PIK3R4: variants seen among roughly 807,000 people sequenced by gnomAD.
The protein encoded by PIK3R4 is phosphoinositide 3-kinase regulatory subunit 4.
In PIK3R4, 46 loss-of-function variants were observed where a neutral mutation model predicts 136.5. That is an observed-to-expected ratio of 0.34 (90% CI 0.27 to 0.43). PIK3R4 has a LOEUF of 0.43. PIK3R4 is among the 20% of genes least tolerant of loss of function. The pLI, the probability that PIK3R4 is intolerant of heterozygous loss-of-function variation, is 1.00. For missense variants in PIK3R4, 1,331 were observed against 1,649.5 expected, an observed-to-expected ratio of 0.81 and a Z score of 3.35; for synonymous variants, 557 against 566.7, an observed-to-expected ratio of 0.98 and a Z score of 0.24.
At chr3:130,683,973 T>A (rs1241272406) in intron 16 of PIK3R4, among the ~76,000 whole-genome samples, 1 of 151,950 alleles carries the variant, frequency 6.6e-6, no homozygotes, top group Admixed American at 6.6e-5. Flanking sequence ...AGGAAGATGG[T>A]GGCAGCTGTA....
rs1360068561 is a variant in PIK3R4 at position 130,728,568 on chromosome 3, A to C, written c.1702T>G (p.Phe568Val). The change falls in exon 6 of 20, where the codon TTT becomes GTT. Residue 568 changes from phenylalanine to valine, a missense_variant. Physicochemically the swap from Phe to Val is conservative, Grantham distance 50 (BLOSUM62 -1). Coordinates refer to ENST00000356763, the MANE Select transcript of PIK3R4 (RefSeq NM_014602.3). ...ACATCGTTGGCTTTCTGACGTCCAA[A>C]GAATACACACAGCCGTGTTATTCCA... ...ENGITRLCVF[F>V]GRQKANDVLL... 6.2e-7 allele frequency: 1 copy of C among 1,613,636 alleles called. No homozygotes were observed. Among genetic ancestry groups the C allele is most frequent in the Non-Finnish European group, 8.5e-7 (1 of 1,179,774 alleles).
At chr3:130,719,706 C>A (rs1299913890) in intron 7 of PIK3R4, among the ~76,000 whole-genome samples, 1 of 152,132 alleles carries the variant, frequency 6.6e-6, no homozygotes, top group African/African-American at 2.4e-5. Flanking sequence ...GAATTATTTA[C>A]CCCAATTCTT....
intron 7 of PIK3R4, among the ~76,000 whole-genome samples, chr3:130,718,798 T>C (rs1461915970): frequency 2.0e-5 from 3 of 152,162 alleles, no homozygotes; most frequent in Non-Finnish European, 4.4e-5. Context: ...AAATTTATAT[T>C]TTTTTAGTCA....
intron 13 of PIK3R4, among the ~76,000 whole-genome samples, chr3:130,695,375 C>G (rs2066540348): frequency 6.6e-6 from 1 of 152,020 alleles, no homozygotes; most frequent in Admixed American, 6.6e-5. Context: ...TTTCACTTTC[C>G]CTAGTTTCAG....
rs761292002 is a variant in PIK3R4, at chr3:130,733,504, T to C, written c.1450+44A>G. The C allele has an allele frequency of 5.2e-6, 7 of 1,335,752 alleles. No individual in the cohort carries two copies. The South Asian group carries it at 8.6e-5, about 16-fold the overall frequency. The allele number at this position is 1,335,752 out of a possible 1,614,324, so 82.7% of individuals were successfully genotyped here. A position where few individuals can be genotyped will look rare whatever the true frequency, so the allele number is the denominator to read the frequency against. On this transcript the variant is annotated intron_variant, in intron 4 of 19. Transcript: ENST00000356763. ...ACAAGCAGTATTATAGTCATTAACT[T>C]AAAAAATATCTAAGTGGCTAATATT...
chr3:130,740,304 T>A (rs2066814900), intron 2 of PIK3R4, among the ~76,000 whole-genome samples: 1 of 152,170 alleles, frequency 6.6e-6, no homozygotes, highest in Non-Finnish European at 1.5e-5. Flanking sequence ...GGTCCTGTCC[T>A]GAAACAGGCA....
intron 13 of PIK3R4, 145 bp downstream of exon 13, chr3:130,703,578 G>A: frequency 3.2e-6 from 2 of 620,122 alleles, no homozygotes; most frequent in South Asian, 4.4e-5. Context: ...TCCACTAGAA[G>A]GTAAACTCCA....
chr3:130,742,142 G>C (rs1321939303), intron 2 of PIK3R4, among the ~76,000 whole-genome samples: 7 of 152,186 alleles, frequency 4.6e-5, no homozygotes, highest in Non-Finnish European at 1.0e-4. Flanking sequence ...TCCATCAAGA[G>C]GGGAAAGTAG....
In PIK3R4 at chr3:130,690,594, G is replaced by C; in HGVS notation, c.3159C>G (p.Gly1053=). The part of the protein sequence containing the change: ...GRVKTLTFCQ[G]SHYLAIASDN... ...CAGATGCTATGGCTAAATAGTGGGA[G>C]CCTTGGCAGAATGTGAGCGTCTTGA... Residue 1053 remains glycine, a synonymous_variant, in exon 14 of 20, where the codon GGC becomes GGG. Transcript: ENST00000356763. The C allele has an allele frequency of 6.2e-7, 1 of 1,611,498 alleles. No homozygotes were observed. The highest frequency in any genetic ancestry group is 1.3e-5 in the African/African-American group (1 of 74,984).
At chr3:130,743,612 G>A (rs1278552336) in intron 2 of PIK3R4, among the ~76,000 whole-genome samples, 1 of 152,094 alleles carries the variant, frequency 6.6e-6, no homozygotes, top group Non-Finnish European at 1.5e-5. Context: ...TGGTGGGCGA[G>A]AGAAGTTCCT....
intron 13 of PIK3R4, among the ~76,000 whole-genome samples, chr3:130,701,178 A>C (rs1009180324): frequency 6.6e-5 from 10 of 152,312 alleles, no homozygotes; most frequent in African/African-American, 1.7e-4. Flanking sequence ...AACCACTTGG[A>C]AAACAATTAT....
intron 2 of PIK3R4, among the ~76,000 whole-genome samples, chr3:130,740,082 G>C (rs1425788391): frequency 2.0e-5 from 3 of 152,036 alleles, no homozygotes; most frequent in Non-Finnish European, 2.9e-5. Flanking sequence ...GGGGAAGCTG[G>C]GTGAAGGATA....
chr3:130,705,500 A>T, intron 12 of PIK3R4, 61 bp downstream of exon 12: 1 of 1,078,778 alleles, frequency 9.3e-7, no homozygotes, highest in Non-Finnish European at 1.4e-6. Context: ...CATTTCCTCT[A>T]TTAGATTCTA....
rs775711480 is a variant in PIK3R4, at chr3:130,728,548, G to A, written c.1722C>T (p.Asn574=). The change falls in exon 6 of 20, where the codon AAC becomes AAT. Residue 574 remains asparagine (N), a synonymous_variant. Coordinates refer to ENST00000356763, the MANE Select transcript of PIK3R4 (RefSeq NM_014602.3). The part of the protein sequence containing the change: ...LCVFFGRQKA[N]DVLLSHMITF... ...TAATCATGTGGGACAACAAAACATC[G>A]TTGGCTTTCTGACGTCCAAAGAATA... The A allele has an allele frequency of 5.0e-6, 8 of 1,613,528 alleles. No homozygotes were observed. The highest frequency in any genetic ancestry group is 2.2e-5 in the South Asian group (2 of 91,024).
chr3:130,737,400 C>T (rs1400631568), intron 2 of PIK3R4, among the ~76,000 whole-genome samples: 1 of 152,174 alleles, frequency 6.6e-6, no homozygotes, highest in East Asian at 1.9e-4. Context: ...TGGCTCATGC[C>T]TGTAATCCCA....
rs559319117 is a variant in PIK3R4, at chr3:130,720,344, C to T, written c.1982-1810G>A. Among the ~76,000 whole-genome samples, 67 of 152,196 alleles carry T rather than the reference C, an allele frequency of 4.4e-4. 1 individual carries two copies. The South Asian group carries it at 0.013, about 30-fold the overall frequency. On this transcript the variant is annotated intron_variant, in intron 7 of 19. Transcript: ENST00000356763. Reference sequence around the variant, plus strand: ...CCGAGTAGCTAGGATTACAGACATGCGCTGCCAAGCCTGGCTAATTTTGTA... The same window carrying T: ...CCGAGTAGCTAGGATTACAGACATGTGCTGCCAAGCCTGGCTAATTTTGTA...
intron 9 of PIK3R4, among the ~76,000 whole-genome samples, chr3:130,715,556 C>CT (rs1051150499): frequency 6.6e-6 from 1 of 151,882 alleles, no homozygotes; most frequent in Non-Finnish European, 1.5e-5. Context: ...ATGGAAATGT[C>CT]TTTTTTTGAA....
Position 130,733,603 on chromosome 3 carries a change from T to C in PIK3R4, c.1395A>G (p.Pro465=). The C allele has an allele frequency of 6.2e-7, 1 of 1,614,096 alleles. No individual in the cohort carries two copies. The change falls in exon 4 of 20, where the codon CCA becomes CCG. Residue 465 remains proline, a synonymous_variant. Coordinates refer to ENST00000356763, the MANE Select transcript of PIK3R4 (RefSeq NM_014602.3). The part of the protein sequence containing the change: ...DINIYPEYIL[P]GIAHLAQDDA... ...CATCTTGGGCTAAGTGGGCTATGCC[T>C]GGCAGAATGTATTCCGGATAAATAT...
At chr3:130,706,829 C>A (rs1279443937) in intron 11 of PIK3R4, 119 bp downstream of exon 11, 1 of 618,472 alleles carries the variant, frequency 1.6e-6, no homozygotes, top group Non-Finnish European at 2.6e-6. Flanking sequence ...AATATGACCT[C>A]CCTAAAAGAC....
Sources: gnomAD v4.1 joint callset for allele counts (sites outside exome capture counted in the v4.1 genomes callset) on GRCh38, gnomAD v4.1.1 for gene constraint, MANE v1.5 for transcripts, NCBI Gene and HGNC (gene_info 2026-07-23, HGNC 2026-07-21) for gene names.